The following SEMA6D variants were observed in gnomAD, a reference collection of about 807,000 sequenced individuals.
SEMA6D encodes the protein semaphorin 6D, also known as semaphorin-6D.
Under a neutral mutation model 106.6 loss-of-function variants are expected in SEMA6D, and 35 were observed. That is an observed-to-expected ratio of 0.33 (90% CI 0.25 to 0.44). The LOEUF (loss-of-function observed/expected upper bound fraction) is 0.44. Ranked by LOEUF, SEMA6D falls within the 20% of genes least tolerant of loss-of-function variation. The pLI is 1.00. For missense variants in SEMA6D, 1,185 were observed against 1,345.9 expected (o/e 0.88, Z 1.87); for synonymous variants, 499 against 487.7 (o/e 1.02, Z -0.31).
intron 4 of SEMA6D, among the ~76,000 whole-genome samples, chr15:47,648,506 A>ATGAATGAATGAATG (rs71118190): frequency 6.6e-6 from 1 of 152,094 alleles, no homozygotes; most frequent in African/African-American, 2.4e-5. Flanking sequence ...GAATGAATGA[A>ATGAATGAATGAATG]AATTTGTAAA....
At chr15:47,368,026 A>G (rs148327851) in intron 1 of SEMA6D, among the ~76,000 whole-genome samples, 1 of 152,172 alleles carries the variant, frequency 6.6e-6, no homozygotes, top group African/African-American at 2.4e-5. Flanking sequence ...TGAGTCCAAC[A>G]TAAAATAGTA....
intron 3 of SEMA6D, among the ~76,000 whole-genome samples, chr15:47,479,233 A>T (rs1366749601): frequency 6.6e-6 from 1 of 152,002 alleles, no homozygotes; most frequent in South Asian, 2.1e-4. Flanking sequence ...GGGGACAAAA[A>T]TGTCCATTTT....
At chr15:47,247,727 A>ATG (rs1466299408) in intron 1 of SEMA6D, among the ~76,000 whole-genome samples, 2 of 152,018 alleles carry the variant, frequency 1.3e-5, no homozygotes, top group African/African-American at 4.8e-5. Flanking sequence ...GTCTTTGTGC[A>ATG]TGTGTGTGTG....
intron 1 of SEMA6D, among the ~76,000 whole-genome samples, chr15:47,410,813 G>A (rs1190716972): frequency 6.6e-6 from 1 of 152,058 alleles, no homozygotes; most frequent in Non-Finnish European, 1.5e-5. Context: ...CTCAATACTT[G>A]CCCAAATATT....
intron 12 of SEMA6D, 39 bp downstream of exon 12, chr15:47,764,832 T>C (rs1304898157): frequency 6.2e-7 from 1 of 1,613,458 alleles, no homozygotes; most frequent in Non-Finnish European, 8.5e-7. Context: ...TATTCAACGT[T>C]TTCTCTGCCC....
At chr15:47,724,395 A>G (rs1475008018) in intron 1 of SEMA6D, among the ~76,000 whole-genome samples, 1 of 152,258 alleles carries the variant, frequency 6.6e-6, no homozygotes, top group Non-Finnish European at 1.5e-5. Flanking sequence ...AACAAGGTGT[A>G]CAAATAGCTG....
intron 2 of SEMA6D, among the ~76,000 whole-genome samples, chr15:47,460,541 G>A (rs548756260): frequency 6.6e-6 from 1 of 152,218 alleles, no homozygotes; most frequent in African/African-American, 2.4e-5. Context: ...GATGCTGTGT[G>A]CTTGAGGACA....
At chr15:47,670,968 A>G (rs1349732714) in intron 4 of SEMA6D, among the ~76,000 whole-genome samples, 1 of 152,226 alleles carries the variant, frequency 6.6e-6, no homozygotes, top group African/African-American at 2.4e-5. Context: ...TATTGTTGAG[A>G]TGATAGCTTT....
At chr15:47,342,314 C>A (rs572966820) in intron 1 of SEMA6D, among the ~76,000 whole-genome samples, 1 of 152,334 alleles carries the variant, frequency 6.6e-6, no homozygotes, top group East Asian at 1.9e-4. Context: ...CCACTAGATT[C>A]ATGAGTTGTT....
In SEMA6D at chr15:47,765,982, G is replaced by A. The variant is rs757150370; in HGVS notation, c.1541G>A (p.Arg514His). The A allele has an allele frequency of 1.1e-5, 18 of 1,595,050 alleles. No individual in the cohort carries two copies. The highest frequency in any genetic ancestry group is 4.6e-5 in the South Asian group (4 of 87,552). ...TGCATTATCCGCATCCCCCTCAGTC[G>A]CTGTGAGCGTTATGGATCATGTAAA... ...SSCIIRIPLS[R>H]CERYGSCKKS... is the part of the protein sequence containing the mutation. Residue 514 changes from arginine (R) to histidine (H), a missense_variant, in exon 14 of 19, where the codon CGC becomes CAC. Around this residue, in one of 3 missense-constraint regions of SEMA6D, gnomAD observed 750 missense variants for 783.5 expected, o/e 0.96. Coordinates refer to ENST00000536845, the MANE Select transcript of SEMA6D (RefSeq NM_001358351.3).
intron 1 of SEMA6D, among the ~76,000 whole-genome samples, chr15:47,759,309 T>A (rs1367782754): frequency 6.6e-6 from 1 of 152,102 alleles, no homozygotes; most frequent in Non-Finnish European, 1.5e-5. Flanking sequence ...GCCCTCTGGC[T>A]ATTTTTGAGG....
chr15:47,583,939 C>G (rs1223224723), intron 3 of SEMA6D, among the ~76,000 whole-genome samples: 1 of 152,128 alleles, frequency 6.6e-6, no homozygotes, highest in Non-Finnish European at 1.5e-5. Context: ...ACACAATGAG[C>G]AAGTGCAGTC....
chr15:47,345,495 C>G (rs549689067), intron 1 of SEMA6D, among the ~76,000 whole-genome samples: 19 of 151,900 alleles, frequency 1.3e-4, no homozygotes, highest in Non-Finnish European at 2.2e-4. Context: ...GAATAAATGC[C>G]TAGCCACATG....
chr15:47,271,034 G>A (rs1234679437), intron 1 of SEMA6D, among the ~76,000 whole-genome samples: 1 of 152,052 alleles, frequency 6.6e-6, no homozygotes, highest in Non-Finnish European at 1.5e-5. Context: ...AACTATGTAT[G>A]GTTCATTGCT....
At chr15:47,299,747 A>G (rs760455305) in intron 1 of SEMA6D, among the ~76,000 whole-genome samples, 1 of 152,198 alleles carries the variant, frequency 6.6e-6, no homozygotes, top group Non-Finnish European at 1.5e-5. Flanking sequence ...TTTTTCCCTT[A>G]GAAGCTACTG....
intron 1 of SEMA6D, among the ~76,000 whole-genome samples, chr15:47,404,616 A>G (rs1435287590): frequency 6.6e-6 from 1 of 152,164 alleles, no homozygotes; most frequent in Non-Finnish European, 1.5e-5. Context: ...ACCCTCAGGG[A>G]TGGGCTTTAA....
intron 3 of SEMA6D, among the ~76,000 whole-genome samples, chr15:47,526,600 G>A (rs2044763964): frequency 6.6e-6 from 1 of 152,196 alleles, no homozygotes; most frequent in Admixed American, 6.5e-5. Flanking sequence ...GTAATCAGTA[G>A]ATAAGTACCA....
intron 1 of SEMA6D, among the ~76,000 whole-genome samples, chr15:47,727,662 C>T (rs974623855): frequency 1.3e-5 from 2 of 151,584 alleles, no homozygotes; most frequent in Non-Finnish European, 2.9e-5. Context: ...GCTTCCCCCC[C>T]AACCCCCCCA....
At chr15:47,214,673 G>A (rs967887989) in intron 1 of SEMA6D, among the ~76,000 whole-genome samples, 4 of 152,154 alleles carry the variant, frequency 2.6e-5, no homozygotes, top group Admixed American at 1.3e-4. Context: ...TTTCTGCCCT[G>A]ATACAAATAA....
Sources: allele counts gnomAD v4.1 joint callset (sites outside exome capture counted in the v4.1 genomes callset), GRCh38; gene constraint gnomAD v4.1.1; regional missense constraint gnomAD v4.1.1; transcripts MANE v1.5; gene names NCBI Gene and HGNC (gene_info 2026-07-23, HGNC 2026-07-21).